Variants in ZKSCAN2 observed in about 807,000 individuals in gnomAD.
ZKSCAN2 encodes zinc finger with KRAB and SCAN domains 2, also known as zinc finger protein with KRAB and SCAN domains 2.
In ZKSCAN2, 38 loss-of-function variants were observed where a neutral mutation model predicts 90.5. The ratio of observed to expected loss-of-function variants is 0.42; its 90% CI spans 0.32 to 0.55. The LOEUF (loss-of-function observed/expected upper bound fraction) is 0.55, where lower values mean the gene tolerates loss of function less well. ZKSCAN2 is among the 20% of genes least tolerant of loss of function. The pLI, the probability that ZKSCAN2 is intolerant of heterozygous loss-of-function variation, is 0.11. For synonymous variants in ZKSCAN2, 429 were observed against 421.6 expected (o/e 1.02, Z -0.22); for missense variants, 1,167 against 1,202.6 (o/e 0.97, Z 0.44).
chr16:25,245,484 G>C (rs1962917881), intron 5 of ZKSCAN2, among the ~76,000 whole-genome samples: 1 of 152,134 alleles, frequency 6.6e-6, no homozygotes, highest in African/African-American at 2.4e-5. Context: ...AGAATTTATA[G>C]GCTGGGTGCG....
Position 25,257,210 on chromosome 16 carries a change from T to C in ZKSCAN2, c.-83A>G. On this transcript the variant is annotated 5_prime_UTR_variant, in exon 1 of 7. Transcript: ENST00000328086. The stretch of plus-strand genomic sequence containing the variant: ...CCAAGCGCTCCCTGCTTAATGTTCC[T>C]GGGAGTGTGATAAGGTACGGAGGTA... 1 of 1,508,828 alleles carries C rather than the reference T, an allele frequency of 6.6e-7. No homozygotes were observed. The highest frequency in any genetic ancestry group is 8.8e-7 in the Non-Finnish European group (1 of 1,135,036). The allele number at this position is 1,508,828 out of a possible 1,614,324, so 93.5% of individuals were successfully genotyped here. A position where few individuals can be genotyped will look rare whatever the true frequency, so the allele number is the denominator to read the frequency against.
rs1423722199 is a variant in ZKSCAN2 at position 25,238,607 on chromosome 16, T to C, written c.*1209A>G. ...ACTTTTCACCCAGTGAGCTCTAGAG[T>C]TGTGTTAAGTTACTTGGCACACTAC... On this transcript the variant is annotated 3_prime_UTR_variant, in exon 7 of 7. Coordinates refer to ENST00000328086, the MANE Select transcript of ZKSCAN2 (RefSeq NM_001012981.5). 1.3e-5 allele frequency: 2 copies of C among 152,054 alleles called. No homozygotes were observed. The highest frequency in any genetic ancestry group is 3.8e-4 in the East Asian group (2 of 5,196). 9.4% of individuals were successfully genotyped at this position (152,054 alleles called of 1,614,324 possible). A position where few individuals can be genotyped will look rare whatever the true frequency, so the allele number is the denominator to read the frequency against.
At chr16:25,243,061 C>A (rs1962878371) in intron 6 of ZKSCAN2, among the ~76,000 whole-genome samples, 1 of 152,228 alleles carries the variant, frequency 6.6e-6, no homozygotes, top group South Asian at 2.1e-4. Flanking sequence ...AGCTCAGGAC[C>A]AGAATAAAGT....
rs899119192 is a variant in ZKSCAN2 at position 25,247,464 on chromosome 16, TG to T, written c.806-75del. 40 of 1,347,932 alleles carry T rather than the reference TG, an allele frequency of 3.0e-5. No homozygotes were observed. In the South Asian group the frequency reaches 5.2e-4, roughly 18 times the overall value. The allele number at this position is 1,347,932 out of a possible 1,614,324, so 83.5% of individuals were successfully genotyped here. On this transcript the variant is annotated intron_variant, in intron 4 of 6. Transcript: ENST00000328086. Reference sequence around the variant, plus strand: ...CATGCCTCAATCTTCTGCTGTCACATGCTCTCCTGGGCCACTTGTTCACACC... The same window carrying T: ...CATGCCTCAATCTTCTGCTGTCACATCTCTCCTGGGCCACTTGTTCACACC...
chr16:25,254,057 GAAGTT>G (rs1963059638), intron 2 of ZKSCAN2, among the ~76,000 whole-genome samples: 1 of 152,190 alleles, frequency 6.6e-6, no homozygotes, highest in Non-Finnish European at 1.5e-5. Flanking sequence ...GAAAGCTTGA[GAAGTT>G]AAGTATCCTG....
In ZKSCAN2 at chr16:25,256,948, A is replaced by G; in HGVS notation, c.180T>C (p.His60=). The change falls in exon 1 of 7, where the codon CAT becomes CAC. Residue 60 remains histidine (H), a synonymous_variant. Coordinates refer to ENST00000328086, the MANE Select transcript of ZKSCAN2 (RefSeq NM_001012981.5). ...GTTCCCAGAGTTTACTGAAAGCTTC[A>G]TGGGGTCCAGTCACATCCTCATAAC... The part of the protein sequence containing the change: ...QFCYEDVTGP[H]EAFSKLWELC... The G allele has an allele frequency of 6.2e-7, 1 of 1,614,184 alleles. No individual in the cohort carries two copies. The highest frequency in any genetic ancestry group is 8.5e-7 in the Non-Finnish European group (1 of 1,180,028).
At position 25,247,115 on chromosome 16, in the gene ZKSCAN2, A is replaced by G; in HGVS notation, c.1081T>C (p.Tyr361His). 1 of 1,614,182 alleles carries G rather than the reference A, an allele frequency of 6.2e-7. No homozygotes were observed. The highest frequency in any genetic ancestry group is 8.5e-7 in the Non-Finnish European group (1 of 1,180,042). ...FLAILKESRF[Y>H]ETLQACPRNS... is the part of the protein sequence containing the mutation. ...CGGGGACAGGCCTGAAGTGTTTCAT[A>G]AAAGCGAGACTCTTTGAGAATTGCC... The change falls in exon 5 of 7, where the codon TAT becomes CAT. Residue 361 changes from tyrosine to histidine, a missense_variant. Physicochemically the swap from Tyr to His is moderately conservative, Grantham distance 83. Transcript: ENST00000328086.
chr16:25,253,847 A>G lies in ZKSCAN2; in HGVS notation c.587-810T>C, dbSNP rs1963056972. On this transcript the variant is annotated intron_variant, in intron 2 of 6. Coordinates refer to ENST00000328086, the MANE Select transcript of ZKSCAN2 (RefSeq NM_001012981.5). The stretch of plus-strand genomic sequence containing the variant: ...ACATGGTGAAACCCCATCTCTACTA[A>G]AAATACAAAAATTAGCCAGGCATGA... Among the ~76,000 whole-genome samples, 3 of 152,056 alleles carry G rather than the reference A, an allele frequency of 2.0e-5. No homozygotes were observed. The South Asian group carries it at 6.2e-4, about 32-fold the overall frequency.
intron 4 of ZKSCAN2, 114 bp downstream of exon 4, chr16:25,251,795 A>G (rs1963024837): frequency 7.8e-7 from 1 of 1,287,712 alleles, no homozygotes; most frequent in African/African-American, 1.5e-5. Flanking sequence ...ACACTAGACA[A>G]TCCTTAGAGA....
chr16:25,242,530 CAA>C (rs1962870054), intron 6 of ZKSCAN2, among the ~76,000 whole-genome samples: 1 of 152,142 alleles, frequency 6.6e-6, no homozygotes, highest in South Asian at 2.1e-4. Context: ...ATCTTACATA[CAA>C]AGTGTTCAGT....
In ZKSCAN2 at chr16:25,239,753, T is replaced by G; in HGVS notation, c.*63A>C. ...TTACACTTCATAGCTAAGAAAAGAT[T>G]GCTTCCAAGAATGAGATTAGGGTAA... is the stretch of plus-strand genomic sequence containing the variant. On this transcript the variant is annotated 3_prime_UTR_variant, in exon 7 of 7. Coordinates refer to ENST00000328086, the MANE Select transcript of ZKSCAN2 (RefSeq NM_001012981.5). The G allele has an allele frequency of 7.3e-7, 1 of 1,366,326 alleles. No individual in the cohort carries two copies. Among genetic ancestry groups the G allele is most frequent in the Non-Finnish European group, 1.0e-6 (1 of 998,546 alleles). The allele number at this position is 1,366,326 out of a possible 1,614,324, so 84.6% of individuals were successfully genotyped here.
In ZKSCAN2 at chr16:25,238,106, GATTT is replaced by G. The variant is rs1289580679; in HGVS notation, c.*1706_*1709del. The G allele has an allele frequency of 1.3e-5, 2 of 152,194 alleles. No homozygotes were observed. The highest frequency in any genetic ancestry group is 1.3e-4 in the Admixed American group (2 of 15,274). 9.4% of individuals were successfully genotyped at this position (152,194 alleles called of 1,614,324 possible). On this transcript the variant is annotated 3_prime_UTR_variant, in exon 7 of 7. Transcript: ENST00000328086. ...CACCCTATTCTGGCACCATAAATTA[GATTT>G]CTTTCTACAGTGCCTACCCTCCTAG... is the stretch of plus-strand genomic sequence containing the variant.
At position 25,244,207 on chromosome 16, in the gene ZKSCAN2, G is replaced by A. The variant is rs767445128; in HGVS notation, c.1559C>T (p.Ala520Val). 7 of 1,614,092 alleles carry A rather than the reference G, an allele frequency of 4.3e-6. No individual in the cohort carries two copies. Among genetic ancestry groups the A allele is most frequent in the Admixed American group, 1.7e-5 (1 of 60,018 alleles). Residue 520 changes from alanine to valine, a missense_variant, in exon 6 of 7, where the codon GCG becomes GTG. By Grantham distance (64) the Ala-to-Val change is moderately conservative (BLOSUM62 0). Coordinates refer to ENST00000328086, the MANE Select transcript of ZKSCAN2 (RefSeq NM_001012981.5). ...GCTCTTCCGATGACAGGCTTGAAGCGCTTCATAAAACCGAGTCTCACGGAG... is the reference window on the plus strand; with the variant it reads ...GCTCTTCCGATGACAGGCTTGAAGCACTTCATAAAACCGAGTCTCACGGAG... ...DILRETRFYE[A>V]LQACHRKSKL...
At position 25,244,128 on chromosome 16, in the gene ZKSCAN2, T is replaced by C; in HGVS notation, c.1638A>G (p.Thr546=). ...TGAACTTGGTTCGGCACTGTTCTGG[T>C]GTCCGGAGGAAGCCGCACTCTCGAA... ...EQLRECGFLR[T]PEQCRTKFKS... Residue 546 remains threonine (T), a synonymous_variant, in exon 6 of 7, where the codon ACA becomes ACG. Transcript: ENST00000328086. 1 of 1,614,170 alleles carries C rather than the reference T, an allele frequency of 6.2e-7. No individual in the cohort carries two copies. Among genetic ancestry groups the C allele is most frequent in the Non-Finnish European group, 8.5e-7 (1 of 1,180,032 alleles).
rs1390245107 is a variant in ZKSCAN2, at chr16:25,256,724, C to T, written c.399+5G>A. 4 of 1,600,884 alleles carry T rather than the reference C, an allele frequency of 2.5e-6. No homozygotes were observed. In the African/African-American group the frequency reaches 4.0e-5, roughly 16 times the overall value. On this transcript the variant is annotated splice_donor_5th_base_variant and intron_variant, in intron 1 of 6. Transcript: ENST00000328086. ...AGTACAAAAATTTGGAAAATCCTCTCTCACCTGCTGTCTTAGTCTTCCAGT... is the reference window on the plus strand; with the variant it reads ...AGTACAAAAATTTGGAAAATCCTCTTTCACCTGCTGTCTTAGTCTTCCAGT...
rs1456033515 is a variant in ZKSCAN2 at position 25,236,467 on chromosome 16, C to G, written c.*3349G>C. 1 of 152,294 alleles carries G rather than the reference C, an allele frequency of 6.6e-6. No individual in the cohort carries two copies. The highest frequency in any genetic ancestry group is 6.5e-5 in the Admixed American group (1 of 15,286). 9.4% of individuals were successfully genotyped at this position (152,294 alleles called of 1,614,324 possible). A position where few individuals can be genotyped will look rare whatever the true frequency, so the allele number is the denominator to read the frequency against. ...TGGGCCGGCAGCCTGGTCTTCTAAC[C>G]TCTTCCGCATCTATATCACGCTCCA... is the stretch of plus-strand genomic sequence containing the variant. On this transcript the variant is annotated 3_prime_UTR_variant, in exon 7 of 7. Transcript: ENST00000328086.
chr16:25,255,392 C>T lies in ZKSCAN2; in HGVS notation c.400G>A (p.Val134Ile). 1 of 1,609,116 alleles carries T rather than the reference C, an allele frequency of 6.2e-7. No homozygotes were observed. Among genetic ancestry groups the T allele is most frequent in the Non-Finnish European group, 8.5e-7 (1 of 1,179,510 alleles). Residue 134 changes from valine (V) to isoleucine (I), a missense_variant and splice_region_variant, in exon 2 of 7, where the codon GTC becomes ATC. Coordinates refer to ENST00000328086, the MANE Select transcript of ZKSCAN2 (RefSeq NM_001012981.5). Reference sequence around the variant, plus strand: ...TTCTCCCGGTGCACGGGACTGCTGACCTGAGAAATGAAGTCAATACCATAA... The same window carrying T: ...TTCTCCCGGTGCACGGGACTGCTGATCTGAGAAATGAAGTCAATACCATAA... Reference protein sequence around the residue: ...EKETGRLRQQVSSPVHREKHS... With the variant: ...EKETGRLRQQISSPVHREKHS...
intron 4 of ZKSCAN2, among the ~76,000 whole-genome samples, chr16:25,251,083 A>G (rs114921637): frequency 1.2e-3 from 188 of 152,210 alleles, no homozygotes; most frequent in African/African-American, 4.3e-3. Flanking sequence ...ATAAATAAAT[A>G]TTAAATTTAT....
chr16:25,256,835 G>A lies in ZKSCAN2; in HGVS notation c.293C>T (p.Pro98Leu). Reference protein sequence around the residue: ...LVIEQFLTILPEKIQAWAQKQ... With the variant: ...LVIEQFLTILLEKIQAWAQKQ... ...CTGTGCCCAAGCCTGAATCTTCTCG[G>A]GTAAAATGGTGAGAAACTGCTCAAT... Residue 98 changes from proline (P) to leucine (L), a missense_variant, in exon 1 of 7, where the codon CCC becomes CTC. Physicochemically the swap from Pro to Leu is moderately conservative, Grantham distance 98. Transcript: ENST00000328086. The A allele has an allele frequency of 6.2e-7, 1 of 1,614,112 alleles. No homozygotes were observed.
Sources: allele counts gnomAD v4.1 joint callset (sites outside exome capture counted in the v4.1 genomes callset), GRCh38; gene constraint gnomAD v4.1.1; transcripts MANE v1.5; gene names NCBI Gene and HGNC (gene_info 2026-07-23, HGNC 2026-07-21).